Variants in ANK2 observed in about 807,000 individuals in gnomAD.
ANK2 encodes ankyrin 2, also known as ankyrin-2.
In ANK2, 83 loss-of-function variants were observed where a neutral mutation model predicts 360.5. The observed-to-expected ratio is 0.23, with a 90% confidence interval of 0.19 to 0.28. ANK2 has a LOEUF of 0.28. Ranked by LOEUF, ANK2 falls within the 10% of genes least tolerant of loss-of-function variation. The pLI is 1.00. For synonymous variants in ANK2, 1,740 were observed against 1,759.5 expected, an observed-to-expected ratio of 0.99 and a Z score of 0.28; for missense variants, 4,201 against 4,795.7, an observed-to-expected ratio of 0.88 and a Z score of 3.66.
intron 5 of ANK2, among the ~76,000 whole-genome samples, chr4:113,232,924 A>G (rs2099328069): frequency 6.6e-6 from 1 of 151,866 alleles, no homozygotes; most frequent in Non-Finnish European, 1.5e-5. Context: ...GCTTAGGCAG[A>G]TTAAGGAGCA....
chr4:112,940,802 T>C (rs2094147400), intron 2 of ANK2, among the ~76,000 whole-genome samples: 1 of 152,136 alleles, frequency 6.6e-6, no homozygotes, highest in South Asian at 2.1e-4. Flanking sequence ...AGCTTAAAGC[T>C]CATTGATTTG....
intron 1 of ANK2, among the ~76,000 whole-genome samples, chr4:112,852,725 A>T (rs1479156758): frequency 6.6e-6 from 1 of 152,236 alleles, no homozygotes; most frequent in Non-Finnish European, 1.5e-5. Flanking sequence ...CTTGTTGGAT[A>T]ATAATACCCT....
intron 1 of ANK2, among the ~76,000 whole-genome samples, chr4:113,126,834 G>T (rs2095690619): frequency 6.6e-6 from 1 of 152,094 alleles, no homozygotes. Context: ...CTAGAAAAGA[G>T]AACCAAAATA....
chr4:113,110,836 C>A (rs888480079), intron 1 of ANK2, among the ~76,000 whole-genome samples: 1 of 152,114 alleles, frequency 6.6e-6, no homozygotes, highest in Admixed American at 6.6e-5. Flanking sequence ...TGTGTTTTAA[C>A]AATAAGGGCT....
rs1345261908 is a variant in ANK2, at chr4:113,353,037, C to T, written c.4427-8C>T. On this transcript the variant is annotated splice_region_variant and splice_polypyrimidine_tract_variant and intron_variant, in intron 37 of 45. Coordinates refer to ENST00000357077, the MANE Select transcript of ANK2 (RefSeq NM_001148.6). ...TTTTACTTTCAATGTTTTTCATTCA[C>T]ATCAAAGATGATGAGACAGAATCTA... The T allele has an allele frequency of 2.5e-6, 4 of 1,612,458 alleles. No homozygotes were observed. Among genetic ancestry groups the T allele is most frequent in the East Asian group, 2.2e-5 (1 of 44,848 alleles).
chr4:113,261,827 A>G (rs901993676), intron 13 of ANK2, among the ~76,000 whole-genome samples: 1 of 152,236 alleles, frequency 6.6e-6, no homozygotes, highest in African/African-American at 2.4e-5. Context: ...AGGTTTTAGA[A>G]ATATTGGCCA....
chr4:113,256,458 G>A (rs2049381008), intron 11 of ANK2, among the ~76,000 whole-genome samples: 1 of 152,198 alleles, frequency 6.6e-6, no homozygotes, highest in Non-Finnish European at 1.5e-5. Context: ...TATGCCTAGT[G>A]TGTTACGGCT....
chr4:113,025,184 CA>C (rs2059009519), intron 2 of ANK2, among the ~76,000 whole-genome samples: 1 of 152,070 alleles, frequency 6.6e-6, no homozygotes. Flanking sequence ...TTAAACATAA[CA>C]GCAGTGTTCT....
the ANK2 span, among the ~76,000 whole-genome samples, chr4:112,756,672 G>A: frequency 3.7e-4 from 57 of 152,116 alleles, 1 homozygote; most frequent in Admixed American, 3.4e-3. Flanking sequence ...TTTTGAGCTC[G>A]GCTGGAAAAA....
intron 11 of ANK2, 32 bp from the exon 12 acceptor site, chr4:113,258,018 G>C (rs763640159): frequency 6.3e-7 from 1 of 1,578,472 alleles, no homozygotes; most frequent in South Asian, 1.1e-5. Context: ...GTTTCTGCAT[G>C]TTTTCAACTA....
intron 1 of ANK2, among the ~76,000 whole-genome samples, chr4:113,123,340 A>G (rs1308545876): frequency 1.3e-5 from 2 of 152,140 alleles, no homozygotes; most frequent in Non-Finnish European, 2.9e-5. Context: ...AAAATATTTT[A>G]TAGAAAGATT....
At chr4:113,232,062 A>G (rs2099314370) in intron 4 of ANK2, 99 bp from the exon 5 acceptor site, 1 of 833,036 alleles carries the variant, frequency 1.2e-6, no homozygotes, top group South Asian at 1.4e-5. Flanking sequence ...ATTCAGTATG[A>G]AAGTATTTTA....
At chr4:112,932,298 C>A (rs188790027) in intron 2 of ANK2, among the ~76,000 whole-genome samples, 4 of 152,170 alleles carry the variant, frequency 2.6e-5, no homozygotes, top group Non-Finnish European at 4.4e-5. Context: ...TCGAGACCAG[C>A]CTGACCCACA....
chr4:112,743,733 C>T, the ANK2 span, among the ~76,000 whole-genome samples: 258 of 151,706 alleles, frequency 1.7e-3, 1 homozygote, highest in African/African-American at 5.7e-3. Context: ...TTAGTAGAAA[C>T]GGGGTTTCAC....
At chr4:113,288,169 A>T (rs772746241) in intron 19 of ANK2, among the ~76,000 whole-genome samples, 26 of 152,134 alleles carry the variant, frequency 1.7e-4, no homozygotes, top group Admixed American at 1.4e-3. Context: ...CCTCTCTCTT[A>T]GTTCTTTGCA....
At chr4:112,763,261 G>T in the ANK2 span, among the ~76,000 whole-genome samples, 1 of 148,964 alleles carries the variant, frequency 6.7e-6, no homozygotes, top group Non-Finnish European at 1.5e-5. Flanking sequence ...ACGGAGTCTC[G>T]CTCTGTCGCC....
rs140368228 is a variant in ANK2, at chr4:113,173,643, C to T, written c.85-773C>T. On this transcript the variant is annotated intron_variant, in intron 1 of 45. Transcript: ENST00000357077. Reference sequence around the variant, plus strand: ...GGAGCAACTCTCTTCGGACTTTTCACGGGCAGAATTCAGCTGAGTCTCCCA... The same window carrying T: ...GGAGCAACTCTCTTCGGACTTTTCATGGGCAGAATTCAGCTGAGTCTCCCA... Among the ~76,000 whole-genome samples, 929 of 152,240 alleles carry T rather than the reference C, an allele frequency of 6.1e-3. 5 individuals are homozygous for T. The highest frequency in any genetic ancestry group is 9.5e-3 in the Non-Finnish European group (647 of 68,016).
intron 1 of ANK2, among the ~76,000 whole-genome samples, chr4:113,126,141 T>C (rs1176359223): frequency 6.6e-6 from 1 of 152,206 alleles, no homozygotes; most frequent in Non-Finnish European, 1.5e-5. Context: ...TTATTCTCAC[T>C]TTTCTTTTAG....
At chr4:113,134,072 T>C (rs2096243428) in intron 1 of ANK2, among the ~76,000 whole-genome samples, 1 of 152,156 alleles carries the variant, frequency 6.6e-6, no homozygotes, top group Middle Eastern at 3.4e-3. Context: ...AGTTATCAAG[T>C]GCTGAAACCA....
Sources: allele counts gnomAD v4.1 joint callset (sites outside exome capture counted in the v4.1 genomes callset), GRCh38; gene constraint gnomAD v4.1.1; transcripts MANE v1.5; gene names NCBI Gene and HGNC (gene_info 2026-07-23, HGNC 2026-07-21).